SCN1A: variants seen among roughly 807,000 people sequenced by gnomAD.
SCN1A encodes sodium voltage-gated channel alpha subunit 1.
Under a neutral mutation model 193.7 loss-of-function variants are expected in SCN1A, and 13 were observed. The observed-to-expected ratio is 0.07, with a 90% CI of 0.04 to 0.11. The LOEUF (loss-of-function observed/expected upper bound fraction) is 0.11. Among genes scored for constraint, SCN1A ranks in the 10% least tolerant of loss-of-function variants. The pLI, the probability that SCN1A is intolerant of heterozygous loss-of-function variation, is 1.00. For synonymous variants in SCN1A, 781 were observed against 843.6 expected (o/e 0.93, Z 1.29); for missense variants, 1,432 against 2,451.1 (o/e 0.58, Z 8.78).
chr2:166,028,957 G>T (rs891643601), intron 19 of SCN1A, among the ~76,000 whole-genome samples: 3 of 152,136 alleles, frequency 2.0e-5, no homozygotes, highest in African/African-American at 7.2e-5. Context: ...TGACATTTGG[G>T]ACAAGAAGGA....
intron 19 of SCN1A, among the ~76,000 whole-genome samples, chr2:166,028,166 T>A (rs1695056649): frequency 6.6e-6 from 1 of 152,140 alleles, no homozygotes; most frequent in Admixed American, 6.5e-5. Flanking sequence ...ACACATAAAC[T>A]TCTGTATCAA....
At chr2:166,115,732 A>G (rs1174053615) in intron 2 of SCN1A, among the ~76,000 whole-genome samples, 1 of 152,188 alleles carries the variant, frequency 6.6e-6, no homozygotes, top group Non-Finnish European at 1.5e-5. Context: ...TCATTTAACA[A>G]TTTCTATTGA....
At chr2:166,118,903 C>A (rs920479136) in intron 2 of SCN1A, among the ~76,000 whole-genome samples, 2 of 152,064 alleles carry the variant, frequency 1.3e-5, no homozygotes, top group African/African-American at 2.4e-5. Context: ...ATAAGGAGTC[C>A]CCAACCTTTT....
intron 6 of SCN1A, 88 bp from the exon 7 acceptor site, chr2:166,054,854 T>C (rs941798888): frequency 1.6e-5 from 20 of 1,218,096 alleles, no homozygotes; most frequent in Non-Finnish European, 2.2e-5. Context: ...GTGGAATAGA[T>C]AAATACTAAA....
intron 27 of SCN1A, 90 bp downstream of exon 27, chr2:165,995,923 C>T (rs542556564): frequency 2.3e-6 from 2 of 869,708 alleles, no homozygotes; most frequent in South Asian, 2.9e-5. Flanking sequence ...ATTTTTTCTA[C>T]TGGAAATGTT....
chr2:166,104,994 A>G (rs1688533572), intron 2 of SCN1A, among the ~76,000 whole-genome samples: 1 of 152,190 alleles, frequency 6.6e-6, no homozygotes, highest in South Asian at 2.1e-4. Flanking sequence ...TCAGCTTCTG[A>G]TATGTTTCAA....
At chr2:165,999,418 A>G (rs899258362) in intron 25 of SCN1A, among the ~76,000 whole-genome samples, 4 of 151,582 alleles carry the variant, frequency 2.6e-5, no homozygotes, top group African/African-American at 9.7e-5. Context: ...CACTAAAATT[A>G]CTACTAATTA....
chr2:166,097,246 TC>T (rs1207770544), intron 2 of SCN1A, among the ~76,000 whole-genome samples: 6 of 151,726 alleles, frequency 4.0e-5, no homozygotes, highest in African/African-American at 1.5e-4. Flanking sequence ...GGTCTTGAAC[TC>T]GTGAGCTCAA....
chr2:166,097,524 A>T (rs374695602), intron 2 of SCN1A, among the ~76,000 whole-genome samples: 2 of 152,184 alleles, frequency 1.3e-5, no homozygotes, highest in East Asian at 3.9e-4. Flanking sequence ...ACGTGAGATT[A>T]TCTAGACTTC....
At chr2:166,041,071 G>C (rs1697104699) in intron 16 of SCN1A, 160 bp downstream of exon 16, 1 of 634,964 alleles carries the variant, frequency 1.6e-6, no homozygotes, top group Admixed American at 2.4e-5. Context: ...GATTATTTTT[G>C]GCAAAAAAGT....
At chr2:166,045,365 A>C (rs770835788) in intron 12 of SCN1A, 38 bp from the exon 13 acceptor site, 6 of 1,607,546 alleles carry the variant, frequency 3.7e-6, no homozygotes, top group Non-Finnish European at 5.1e-6. Context: ...TAGCACCTGA[A>C]GAGACTGTAT....
At position 166,037,220 on chromosome 2, in the gene SCN1A, C is replaced by T. The variant is rs185612121; in HGVS notation, c.2946+556G>A. Among the ~76,000 whole-genome samples the T allele has an allele frequency of 1.3e-4, 20 of 152,242 alleles. No individual in the cohort carries two copies. In the East Asian group the frequency reaches 3.3e-3, roughly 25 times the overall value. On this transcript the variant is annotated intron_variant, in intron 18 of 28. Coordinates refer to ENST00000674923, the MANE Select transcript of SCN1A (RefSeq NM_001165963.4). ...GTAATCTCAGGCATCATTAGCCATT[C>T]GAGAACTGATGAACTCAGGTTGGCT...
intron 9 of SCN1A, among the ~76,000 whole-genome samples, chr2:166,049,958 T>C (rs1422238718): frequency 6.6e-6 from 1 of 152,014 alleles, no homozygotes; most frequent in Non-Finnish European, 1.5e-5. Context: ...TGTAAGAAGA[T>C]ATATTTTCTA....
intron 19 of SCN1A, among the ~76,000 whole-genome samples, chr2:166,021,535 A>G (rs1694062584): frequency 6.6e-6 from 1 of 152,160 alleles, no homozygotes; most frequent in Non-Finnish European, 1.5e-5. Flanking sequence ...TAGTCAATAG[A>G]TTAAAATAAA....
chr2:166,056,622 G>T, intron 5 of SCN1A, 122 bp from the exon 6 acceptor site: 1 of 717,044 alleles, frequency 1.4e-6, no homozygotes, highest in Non-Finnish European at 2.6e-6. Context: ...TGCATTGTGG[G>T]CAAGTCTTCT....
intron 4 of SCN1A, among the ~76,000 whole-genome samples, chr2:166,068,217 A>G (rs1684049200): frequency 6.6e-6 from 1 of 152,140 alleles, no homozygotes; most frequent in Non-Finnish European, 1.5e-5. Flanking sequence ...TTTTTCCCCA[A>G]AAGTTGTTTC....
intron 1 of SCN1A, among the ~76,000 whole-genome samples, chr2:166,136,596 T>A (rs1691868763): frequency 6.6e-6 from 1 of 152,138 alleles, no homozygotes; most frequent in African/African-American, 2.4e-5. Flanking sequence ...CATGAACCAT[T>A]TGTTGCTTTA....
intron 10 of SCN1A, among the ~76,000 whole-genome samples, chr2:166,048,465 G>C (rs901368039): frequency 1.3e-5 from 2 of 152,050 alleles, no homozygotes; most frequent in Non-Finnish European, 2.9e-5. Flanking sequence ...TTAGTTTTCT[G>C]TTCCTGCAAT....
At chr2:166,049,817 C>A (rs1188333441) in intron 9 of SCN1A, among the ~76,000 whole-genome samples, 1 of 151,848 alleles carries the variant, frequency 6.6e-6, no homozygotes, top group Non-Finnish European at 1.5e-5. Context: ...CTAGAAAGTC[C>A]CAATCATTAA....
Sources: gnomAD v4.1 joint callset for allele counts (sites outside exome capture counted in the v4.1 genomes callset) on GRCh38, gnomAD v4.1.1 for gene constraint, MANE v1.5 for transcripts, NCBI Gene and HGNC (gene_info 2026-07-23, HGNC 2026-07-21) for gene names.